IGSF9B: variants seen among roughly 807,000 people sequenced by gnomAD.
IGSF9B encodes the protein immunoglobulin superfamily member 9B.
In IGSF9B, 48 loss-of-function variants were observed where a neutral mutation model predicts 143.7. The ratio of observed to expected loss-of-function variants is 0.33; its 90% CI spans 0.26 to 0.42. The LOEUF (loss-of-function observed/expected upper bound fraction) is 0.42. IGSF9B is among the 20% of genes least tolerant of loss of function. The pLI is 1.00. For synonymous variants in IGSF9B, 903 were observed against 833.1 expected (o/e 1.08, Z -1.44); for missense variants, 1,706 against 1,980.0 (o/e 0.86, Z 2.63).
chr11:133,902,841 C>T lies in IGSF9B; in HGVS notation c.*6228G>A, dbSNP rs1203626447. Among the ~76,000 whole-genome samples the T allele has an allele frequency of 6.6e-5, 10 of 152,186 alleles. 1 individual carries two copies. Among genetic ancestry groups the T allele is most frequent in the Admixed American group, 6.5e-4 (10 of 15,276 alleles). ...ACCGTGAGGAGGCTCATCCCTCCAC[C>T]AGAAATACAGCTTCATAGACCACTA... On this transcript the variant is annotated 3_prime_UTR_variant, in exon 20 of 20. Coordinates refer to ENST00000533871, the MANE Select transcript of IGSF9B (RefSeq NM_001277285.4).
At chr11:133,917,387 G>A (rs974732816) in intron 18 of IGSF9B, among the ~76,000 whole-genome samples, 2 of 152,026 alleles carry the variant, frequency 1.3e-5, no homozygotes, top group Admixed American at 6.5e-5. Flanking sequence ...GCAGGGGGAG[G>A]GACACAGTGC....
At position 133,921,041 on chromosome 11, in the gene IGSF9B, T is replaced by C; in HGVS notation, c.2684A>G (p.Glu895Gly). ...MYPEFRQSDEENEDPLVPTSV... is the reference protein window; with the variant it reads ...MYPEFRQSDEGNEDPLVPTSV... ...TGTGGGCACCAGTGGGTCCTCGTTC[T>C]CCTCGTCCGACTGGCGGAACTCGGG... Residue 895 changes from glutamate to glycine, a missense_variant, in exon 18 of 20, where the codon GAG becomes GGG. Physicochemically the swap from Glu to Gly is moderately conservative, Grantham distance 98. Transcript: ENST00000533871. 3 of 1,613,744 alleles carry C rather than the reference T, an allele frequency of 1.9e-6. No individual in the cohort carries two copies. Among genetic ancestry groups the C allele is most frequent in the Non-Finnish European group, 2.5e-6 (3 of 1,179,772 alleles).
chr11:133,918,546 C>T (rs955081735), intron 18 of IGSF9B, among the ~76,000 whole-genome samples: 7 of 152,192 alleles, frequency 4.6e-5, no homozygotes, highest in African/African-American at 1.7e-4. Flanking sequence ...GCTGCGGCTC[C>T]TCCACCTCCC....
chr11:133,920,679 TCTC>T lies in IGSF9B; in HGVS notation c.3043_3045del (p.Glu1015del). 6.2e-7 allele frequency: 1 copy of T among 1,613,046 alleles called. No individual in the cohort carries two copies. On this transcript the variant is annotated inframe_deletion, in exon 18 of 20. Coordinates refer to ENST00000533871, the MANE Select transcript of IGSF9B (RefSeq NM_001277285.4). ...GTGCTGTTGGATGCATTCTCTCCAT[TCTC>T]CTCGGGGATGGTGGGGTGGCCAAAG... is the stretch of plus-strand genomic sequence containing the variant.
chr11:133,917,625 G>A (rs1380254923), intron 18 of IGSF9B, among the ~76,000 whole-genome samples: 2 of 152,108 alleles, frequency 1.3e-5, no homozygotes, highest in Non-Finnish European at 2.9e-5. Context: ...GAGCACAGGG[G>A]AGTGATGACA....
rs745418690 is a variant in IGSF9B, at chr11:133,919,832, A to C, written c.3893T>G (p.Leu1298Trp). ...GGAAGGCGTCTGTCCAAACACGTCCAAGCTGTCCCCAGGCCCAGCAGGGGC... is the reference window on the plus strand; with the variant it reads ...GGAAGGCGTCTGTCCAAACACGTCCCAGCTGTCCCCAGGCCCAGCAGGGGC... The part of the protein sequence containing the change: ...GPAPAGPGDS[L>W]DVFGQTPSPR... Residue 1298 changes from leucine (L) to tryptophan (W), a missense_variant, in exon 18 of 20, where the codon TTG (leucine) becomes TGG (tryptophan). Around this residue, in one of 7 missense-constraint regions of IGSF9B, gnomAD observed 880 missense variants for 762.9 expected, o/e 1.15. Coordinates refer to ENST00000533871, the MANE Select transcript of IGSF9B (RefSeq NM_001277285.4). The C allele has an allele frequency of 5.1e-6, 8 of 1,572,722 alleles. No homozygotes were observed. In the South Asian group the frequency reaches 9.3e-5, roughly 18 times the overall value.
chr11:133,911,782 G>A (rs1939305067), intron 19 of IGSF9B, 104 bp downstream of exon 19: 9 of 1,107,060 alleles, frequency 8.1e-6, no homozygotes, highest in Non-Finnish European at 1.1e-5. Context: ...CCAAGGTTGG[G>A]GCCCTGAGCC....
At position 133,913,497 on chromosome 11, in the gene IGSF9B, G is replaced by A. The variant is rs1286910506; in HGVS notation, c.3984-1490C>T. Among the ~76,000 whole-genome samples the A allele has an allele frequency of 6.6e-6, 1 of 152,176 alleles. No homozygotes were observed. Among genetic ancestry groups the A allele is most frequent in the Non-Finnish European group, 1.5e-5 (1 of 68,030 alleles). On this transcript the variant is annotated intron_variant, in intron 18 of 19. Transcript: ENST00000533871. The surrounding 1 kb of genome is among the most constrained non-coding windows in gnomAD (Gnocchi z 4.6). ...TGCAGTGACCTCCATCTTCCTGGGG[G>A]ATGTCATCATTCTCTAGTCCTTTAG... is the stretch of plus-strand genomic sequence containing the variant.
intron 18 of IGSF9B, among the ~76,000 whole-genome samples, chr11:133,915,188 G>T (rs1939357772): frequency 6.6e-6 from 1 of 152,038 alleles, no homozygotes; most frequent in Admixed American, 6.5e-5. Flanking sequence ...CCAAGATGAG[G>T]GCCTCAAAGC....
rs750992351 is a variant in IGSF9B, at chr11:133,931,816, G to T, written c.1111-21C>A. On this transcript the variant is annotated intron_variant, in intron 8 of 19. Coordinates refer to ENST00000533871, the MANE Select transcript of IGSF9B (RefSeq NM_001277285.4). This position sits in a 1 kb window ranked among gnomAD's most constrained non-coding sequence, Gnocchi z 7.7. ...AGGTTCTGCCAGACACAGACGATAG[G>T]GCAGGGAACGCTGGTCAGAGACTCC... 13 of 1,609,156 alleles carry T rather than the reference G, an allele frequency of 8.1e-6. No individual in the cohort carries two copies. In the African/African-American group the frequency reaches 1.2e-4, roughly 15 times the overall value.
chr11:133,911,453 G>A (rs1452341306), intron 19 of IGSF9B, among the ~76,000 whole-genome samples: 3 of 152,158 alleles, frequency 2.0e-5, no homozygotes, highest in Non-Finnish European at 4.4e-5. Flanking sequence ...GGGGAAGTAA[G>A]GAAGGAGATA....
chr11:133,955,712 G>A (rs992415288), intron 1 of IGSF9B, among the ~76,000 whole-genome samples: 5 of 152,208 alleles, frequency 3.3e-5, no homozygotes, highest in African/African-American at 1.2e-4. Context: ...AGAGCCGGGG[G>A]TGCCACCCAG....
At position 133,931,649 on chromosome 11, in the gene IGSF9B, C is replaced by G; in HGVS notation, c.1251+6G>C. On this transcript the variant is annotated splice_donor_region_variant and intron_variant, in intron 9 of 19. Coordinates refer to ENST00000533871, the MANE Select transcript of IGSF9B (RefSeq NM_001277285.4). The surrounding 1 kb of genome is among the most constrained non-coding windows in gnomAD (Gnocchi z 7.7). ...CATGGAGGCCGTCACAGCCCTGGGA[C>G]CTCACCTTCAGGACAAGCCTCGCAG... 6.2e-7 allele frequency: 1 copy of G among 1,608,588 alleles called. No homozygotes were observed. Among genetic ancestry groups the G allele is most frequent in the South Asian group, 1.1e-5 (1 of 90,726 alleles).
At position 133,948,643 on chromosome 11, in the gene IGSF9B, G is replaced by C. The variant is rs1393176829; in HGVS notation, c.65-2385C>G. On this transcript the variant is annotated intron_variant, in intron 1 of 19. Coordinates refer to ENST00000533871, the MANE Select transcript of IGSF9B (RefSeq NM_001277285.4). This position sits in a 1 kb window ranked among gnomAD's most constrained non-coding sequence, Gnocchi z 4.7. The stretch of plus-strand genomic sequence containing the variant: ...TGTGTGTGTGTGTGTGTGTGTGTGT[G>C]TGTGTGTGTGTGTGTGTGTGTCTAC... Among the ~76,000 whole-genome samples the C allele has an allele frequency of 6.6e-6, 1 of 152,092 alleles. No individual in the cohort carries two copies. Among genetic ancestry groups the C allele is most frequent in the African/African-American group, 2.4e-5 (1 of 41,496 alleles).
In IGSF9B at chr11:133,932,279, G is replaced by GGACA. The variant is rs564700559; in HGVS notation, c.968-70_968-67dup. On this transcript the variant is annotated intron_variant, in intron 7 of 19. Coordinates refer to ENST00000533871, the MANE Select transcript of IGSF9B (RefSeq NM_001277285.4). Reference sequence around the variant, plus strand: ...CACAGGGACAGACAGACAGACACAGGGACAGACAGACAGACACAGGGACAG... The same window carrying GGACA: ...CACAGGGACAGACAGACAGACACAGGGACAGACAGACAGACAGACACAGGGACAG... 35 of 1,481,908 alleles carry GGACA rather than the reference G, an allele frequency of 2.4e-5. 1 individual carries two copies. The South Asian group carries it at 3.2e-4, about 14-fold the overall frequency. The allele number at this position is 1,481,908 out of a possible 1,614,324, so 91.8% of individuals were successfully genotyped here.
intron 7 of IGSF9B, among the ~76,000 whole-genome samples, chr11:133,933,301 T>G (rs1008741124): frequency 4.6e-5 from 7 of 152,044 alleles, no homozygotes; most frequent in Admixed American, 2.0e-4. Context: ...TCCCAAAGTC[T>G]CCTGAGCAAC....
chr11:133,950,589 A>G (rs1222158232), intron 1 of IGSF9B, among the ~76,000 whole-genome samples: 3 of 152,324 alleles, frequency 2.0e-5, no homozygotes, highest in Admixed American at 6.5e-5. Context: ...CCTTTCACCC[A>G]CTGAGCCTCA....
chr11:133,947,488 C>T (rs1160847922), intron 1 of IGSF9B, among the ~76,000 whole-genome samples: 2 of 152,230 alleles, frequency 1.3e-5, no homozygotes, highest in Non-Finnish European at 2.9e-5. Flanking sequence ...GAAGCGGCAG[C>T]TTAAAGACAG....
At position 133,903,174 on chromosome 11, in the gene IGSF9B, C is replaced by G. The variant is rs955679841; in HGVS notation, c.*5895G>C. On this transcript the variant is annotated 3_prime_UTR_variant, in exon 20 of 20. Coordinates refer to ENST00000533871, the MANE Select transcript of IGSF9B (RefSeq NM_001277285.4). ...TGGCGAGGGAGAACCTGCCCTAGTTCGCAAAATAAATCCAGGAAATCCAGT... is the reference window on the plus strand; with the variant it reads ...TGGCGAGGGAGAACCTGCCCTAGTTGGCAAAATAAATCCAGGAAATCCAGT... 1.3e-5 allele frequency among the ~76,000 whole-genome samples: 2 copies of G among 152,034 alleles called. No individual in the cohort carries two copies. The highest frequency in any genetic ancestry group is 4.8e-5 in the African/African-American group (2 of 41,390).
Sources: gnomAD v4.1 joint callset for allele counts (sites outside exome capture counted in the v4.1 genomes callset) on GRCh38, gnomAD v4.1.1 for gene constraint, gnomAD v4.1.1 regional missense constraint, Gnocchi (gnomAD v3.1) non-coding constraint, MANE v1.5 for transcripts, NCBI Gene and HGNC (gene_info 2026-07-23, HGNC 2026-07-21) for gene names.